TULP4: variants seen among roughly 807,000 people sequenced by gnomAD.
The protein encoded by TULP4 is tubby-related protein 4.
A neutral mutation model predicts 129.0 loss-of-function variants in TULP4; 16 were observed. The observed-to-expected ratio is 0.12, with a 90% CI of 0.08 to 0.19. TULP4 has a LOEUF of 0.19. Ranked by LOEUF, TULP4 falls within the 10% of genes least tolerant of loss-of-function variation. The pLI is 1.00. For missense variants in TULP4, 1,842 were observed against 2,059.1 expected, an observed-to-expected ratio of 0.89 and a Z score of 2.04; for synonymous variants, 998 against 854.0, an observed-to-expected ratio of 1.17 and a Z score of -2.94.
chr6:158,312,385 C>G, upstream of TULP4: 1 of 347,216 alleles, frequency 2.9e-6, no homozygotes. Flanking sequence ...AAAAAATTTG[C>G]GCAGATTAAA....
chr6:158,359,066 G>A (rs2114828266), intron 1 of TULP4, among the ~76,000 whole-genome samples: 1 of 152,228 alleles, frequency 6.6e-6, no homozygotes, highest in South Asian at 2.1e-4. Context: ...TGAATAAGGA[G>A]GAATGTGTAA....
At chr6:158,488,958 G>A (rs1272668235) in intron 8 of TULP4, among the ~76,000 whole-genome samples, 2 of 152,166 alleles carry the variant, frequency 1.3e-5, no homozygotes, top group Non-Finnish European at 2.9e-5. Context: ...GCCCCATGCG[G>A]AGTACCCCCA....
At chr6:158,428,671 G>T (rs969528687) in intron 2 of TULP4, among the ~76,000 whole-genome samples, 9 of 151,848 alleles carry the variant, frequency 5.9e-5, no homozygotes, top group African/African-American at 2.2e-4. Flanking sequence ...AGACTGAGGG[G>T]CAATATAATC....
chr6:158,249,698 A>G (rs951184169), intron 1 of TULP4, among the ~76,000 whole-genome samples: 1 of 152,236 alleles, frequency 6.6e-6, no homozygotes, highest in Non-Finnish European at 1.5e-5. Flanking sequence ...GGAACTCCAC[A>G]AATTTTCTCT....
intron 1 of TULP4, among the ~76,000 whole-genome samples, chr6:158,371,712 T>C (rs1226287183): frequency 6.6e-6 from 1 of 152,210 alleles, no homozygotes; most frequent in Non-Finnish European, 1.5e-5. Flanking sequence ...AAGTCTTTTT[T>C]GGTATTTTAC....
At chr6:158,373,352 G>A (rs187877999) in intron 1 of TULP4, among the ~76,000 whole-genome samples, 205 of 152,266 alleles carry the variant, frequency 1.3e-3, no homozygotes, top group African/African-American at 4.4e-3. Flanking sequence ...AGGAGCTGGC[G>A]CTGTTCACCA....
At chr6:158,486,451 G>T (rs1780070224) in intron 8 of TULP4, among the ~76,000 whole-genome samples, 1 of 152,164 alleles carries the variant, frequency 6.6e-6, no homozygotes, top group African/African-American at 2.4e-5. Flanking sequence ...TACTCAGGAG[G>T]CTGAGGCAGG....
At chr6:158,348,866 A>G (rs1303684974) in intron 1 of TULP4, among the ~76,000 whole-genome samples, 1 of 145,202 alleles carries the variant, frequency 6.9e-6, no homozygotes, top group East Asian at 2.1e-4. Context: ...CTCACTTCCC[A>G]GATGGGGCGG....
intron 2 of TULP4, among the ~76,000 whole-genome samples, chr6:158,417,622 T>G (rs1251045905): frequency 6.6e-6 from 1 of 152,158 alleles, no homozygotes; most frequent in African/African-American, 2.4e-5. Context: ...CTGGTGACGA[T>G]GGATCACTGG....
chr6:158,431,608 G>A (rs925756598), intron 3 of TULP4, among the ~76,000 whole-genome samples: 5 of 152,206 alleles, frequency 3.3e-5, no homozygotes, highest in Admixed American at 2.6e-4. Context: ...GCTTGGCAAC[G>A]TGTGGAGGAG....
chr6:158,441,238 C>T (rs538292478), intron 3 of TULP4, among the ~76,000 whole-genome samples: 1 of 150,876 alleles, frequency 6.6e-6, no homozygotes, highest in African/African-American at 2.4e-5. Flanking sequence ...TGCTTGAACC[C>T]GAAGGCAGAG....
At chr6:158,255,361 G>C (rs1254478969) in intron 1 of TULP4, among the ~76,000 whole-genome samples, 2 of 152,140 alleles carry the variant, frequency 1.3e-5, no homozygotes, top group African/African-American at 4.8e-5. Flanking sequence ...TCTCCTGTGT[G>C]ACTCTGGGGA....
Position 158,238,033 on chromosome 6 carries a change from C to A in TULP4, n.68+5730C>A, listed in dbSNP as rs530181516. On this transcript the variant is annotated intron_variant and non_coding_transcript_variant, in intron 1 of 1. Coordinates refer to the TULP4 transcript ENST00000620026. ...AGATTTGAGCTGATGGTTTTGATACCACCAGATAGCTTGTGTGAAGACATC... is the reference window on the plus strand; with the variant it reads ...AGATTTGAGCTGATGGTTTTGATACAACCAGATAGCTTGTGTGAAGACATC... The A allele has an allele frequency of 8.5e-6, 6 of 703,456 alleles. No homozygotes were observed. In the East Asian group the frequency reaches 1.6e-4, roughly 19 times the overall value. The allele number at this position is 703,456 out of a possible 1,614,324, so 43.6% of individuals were successfully genotyped here. A position where few individuals can be genotyped will look rare whatever the true frequency, so the allele number is the denominator to read the frequency against.
chr6:158,378,014 G>T (rs1777232234), intron 1 of TULP4, among the ~76,000 whole-genome samples: 1 of 152,156 alleles, frequency 6.6e-6, no homozygotes, highest in South Asian at 2.1e-4. Flanking sequence ...AGGGCTGATA[G>T]GCTCTCAGCT....
chr6:158,257,764 C>CT (rs371232225), intron 1 of TULP4, among the ~76,000 whole-genome samples: 1 of 152,324 alleles, frequency 6.6e-6, no homozygotes, highest in African/African-American at 2.4e-5. Context: ...ATCCTGAAAA[C>CT]TTTACTTTGT....
intron 6 of TULP4, among the ~76,000 whole-genome samples, chr6:158,462,004 A>G (rs558994923): frequency 8.0e-4 from 122 of 152,274 alleles, no homozygotes; most frequent in Non-Finnish European, 1.2e-3. Flanking sequence ...TGAATGCTGA[A>G]TCTTCACTTA....
chr6:158,283,161 A>G (rs1024374482), intron 1 of TULP4, among the ~76,000 whole-genome samples: 2 of 151,384 alleles, frequency 1.3e-5, no homozygotes, highest in Non-Finnish European at 2.9e-5. Context: ...ACAAAAAAAA[A>G]CCCTATAAAG....
At chr6:158,489,839 C>A (rs2128254615) in intron 9 of TULP4, 107 bp downstream of exon 9, 2 of 1,313,758 alleles carry the variant, frequency 1.5e-6, no homozygotes, top group East Asian at 2.5e-5. Flanking sequence ...CAAAGAGCAA[C>A]CTCCCTGCCT....
At chr6:158,235,912 G>A (rs185161334) in intron 1 of TULP4, among the ~76,000 whole-genome samples, 2 of 152,264 alleles carry the variant, frequency 1.3e-5, no homozygotes, top group East Asian at 1.9e-4. Context: ...TTAATGCATA[G>A]AAACTCTTTA....
Sources: allele counts gnomAD v4.1 joint callset (sites outside exome capture counted in the v4.1 genomes callset), GRCh38; gene constraint gnomAD v4.1.1; transcripts MANE v1.5; gene names NCBI Gene and HGNC (gene_info 2026-07-23, HGNC 2026-07-21).